PKD1L1: variants seen among roughly 807,000 people sequenced by gnomAD.
PKD1L1 encodes polycystin 1 like 1, transient receptor potential channel interacting.
PKD1L1 carries 236 observed loss-of-function variants against 323.4 expected under a neutral mutation model. The observed-to-expected ratio is 0.73, with a 90% CI of 0.66 to 0.81. PKD1L1 has a LOEUF of 0.81. PKD1L1 is among the 40% of genes least tolerant of loss of function. The pLI is 0.00. For missense variants in PKD1L1, 3,320 were observed against 3,508.0 expected, an observed-to-expected ratio of 0.95 and a Z score of 1.35; for synonymous variants, 1,344 against 1,335.0, an observed-to-expected ratio of 1.01 and a Z score of -0.15.
chr7:47,832,282 C>T (rs1481599823), intron 41 of PKD1L1, among the ~76,000 whole-genome samples: 1 of 152,222 alleles, frequency 6.6e-6, no homozygotes, highest in Non-Finnish European at 1.5e-5. Flanking sequence ...GTGCTCCCTT[C>T]CAGCCCAGGC....
At chr7:47,959,015 G>A in the PKD1L1 span, among the ~76,000 whole-genome samples, 1 of 152,256 alleles carries the variant, frequency 6.6e-6, no homozygotes, top group Non-Finnish European at 1.5e-5. Context: ...GTGGAGACGG[G>A]GTTTCGCTGT....
chr7:47,830,140 G>C lies in PKD1L1; in HGVS notation c.6474-16C>G. On this transcript the variant is annotated splice_polypyrimidine_tract_variant and intron_variant, in intron 42 of 56. Transcript: ENST00000289672. ...CTGGCCAAACCTGCCCCCAGGGAAA[G>C]TGCAGTGGTCAGCCCCCTCTAAGGG... The C allele has an allele frequency of 6.2e-7, 1 of 1,611,918 alleles. No homozygotes were observed. Among genetic ancestry groups the C allele is most frequent in the Non-Finnish European group, 8.5e-7 (1 of 1,178,534 alleles).
chr7:47,875,573 T>C (rs1477187621), intron 23 of PKD1L1, among the ~76,000 whole-genome samples: 2 of 152,214 alleles, frequency 1.3e-5, no homozygotes, highest in African/African-American at 2.4e-5. Flanking sequence ...TTATGCTCAG[T>C]TGAAGCCAGT....
At chr7:47,846,246 G>A (rs894491632) in intron 32 of PKD1L1, among the ~76,000 whole-genome samples, 1 of 152,104 alleles carries the variant, frequency 6.6e-6, no homozygotes, top group Non-Finnish European at 1.5e-5. Context: ...AAAGGTAAGG[G>A]CAACAAAAAA....
chr7:47,883,979 T>C (rs1032494377), intron 19 of PKD1L1, among the ~76,000 whole-genome samples: 8 of 152,190 alleles, frequency 5.3e-5, no homozygotes, highest in African/African-American at 9.6e-5. Flanking sequence ...CATTCTACAA[T>C]GTGTTTACTG....
At chr7:47,842,344 C>A (rs1179288637) in intron 34 of PKD1L1, among the ~76,000 whole-genome samples, 1 of 152,168 alleles carries the variant, frequency 6.6e-6, no homozygotes, top group Non-Finnish European at 1.5e-5. Context: ...CTCATCCACA[C>A]CCCAATCCTA....
At chr7:47,781,387 GTT>G (rs200570381) in intron 56 of PKD1L1, among the ~76,000 whole-genome samples, 3 of 121,702 alleles carry the variant, frequency 2.5e-5, no homozygotes, top group Non-Finnish European at 3.5e-5. Flanking sequence ...AGAACAAAAG[GTT>G]TTTTTTTTTG....
chr7:47,884,640 T>C lies in PKD1L1; in HGVS notation c.3223A>G (p.Ser1075Gly). The part of the protein sequence containing the change: ...PHLSDFEAYY[S>G]DIQEAIPSGG... ...GATGGTATTGCTTCTTGAATGTCACTGTAATAGGCTTCAAAATCTATAAGA... is the reference window on the plus strand; with the variant it reads ...GATGGTATTGCTTCTTGAATGTCACCGTAATAGGCTTCAAAATCTATAAGA... The change falls in exon 19 of 57, where the codon AGT becomes GGT. Residue 1075 changes from serine (S) to glycine (G), a missense_variant. Ser to Gly is a moderately conservative substitution (Grantham distance 56). Transcript: ENST00000289672. 6.2e-7 allele frequency: 1 copy of C among 1,613,824 alleles called. No homozygotes were observed. The highest frequency in any genetic ancestry group is 8.5e-7 in the Non-Finnish European group (1 of 1,179,698).
At chr7:47,945,806 TCCCAGA>T (rs928845812) in intron 1 of PKD1L1, among the ~76,000 whole-genome samples, 5 of 151,922 alleles carry the variant, frequency 3.3e-5, no homozygotes, top group Admixed American at 2.0e-4. Flanking sequence ...TCCGAGACCC[TCCCAGA>T]CACCCCCACA....
At chr7:47,934,622 T>A (rs773786935) in intron 4 of PKD1L1, among the ~76,000 whole-genome samples, 39 of 152,174 alleles carry the variant, frequency 2.6e-4, no homozygotes, top group Non-Finnish European at 1.0e-4. Context: ...AGCTGAGTCC[T>A]GGGGAAAAAG....
chr7:47,800,570 C>T (rs1784637879), intron 54 of PKD1L1, 79 bp downstream of exon 54: 1 of 1,432,384 alleles, frequency 7.0e-7, no homozygotes. Flanking sequence ...GCCCTGTCCA[C>T]ATGGACCAGA....
intron 7 of PKD1L1, among the ~76,000 whole-genome samples, chr7:47,926,776 C>T (rs916084634): frequency 1.3e-5 from 2 of 152,148 alleles, no homozygotes; most frequent in African/African-American, 4.8e-5. Flanking sequence ...AGGCAGCACA[C>T]CCCATCATTG....
chr7:47,933,953 T>C (rs1249987111), intron 4 of PKD1L1, among the ~76,000 whole-genome samples: 1 of 152,230 alleles, frequency 6.6e-6, no homozygotes, highest in Non-Finnish European at 1.5e-5. Context: ...CTTGTAAGAC[T>C]GATGAATCCT....
chr7:47,915,325 T>G (rs1236535838), intron 8 of PKD1L1, 107 bp downstream of exon 8: 1 of 684,958 alleles, frequency 1.5e-6, no homozygotes, highest in South Asian at 1.6e-5. Context: ...ATAGAGTGTA[T>G]AGCCAATCAC....
intron 56 of PKD1L1, among the ~76,000 whole-genome samples, chr7:47,784,455 T>C (rs1786762967): frequency 6.6e-6 from 1 of 152,184 alleles, no homozygotes. Flanking sequence ...TTGTCATCTC[T>C]TTACTTGAGT....
In PKD1L1 at chr7:47,840,348, T is replaced by C. The variant is rs1210525600; in HGVS notation, c.5552+113A>G. 6.0e-6 allele frequency: 4 copies of C among 669,182 alleles called. No individual in the cohort carries two copies. Among genetic ancestry groups the C allele is most frequent in the East Asian group, 2.7e-5 (1 of 36,916 alleles). The allele number at this position is 669,182 out of a possible 1,614,324, so 41.5% of individuals were successfully genotyped here. ...AAATTGTTTGTATATAAATCGATGC[T>C]CACTATTAGAGACCAATGTTATGTA... On this transcript the variant is annotated intron_variant, in intron 35 of 56. Transcript: ENST00000289672. This position sits in a 1 kb window ranked among gnomAD's most constrained non-coding sequence, Gnocchi z 4.1.
intron 24 of PKD1L1, among the ~76,000 whole-genome samples, chr7:47,870,872 C>T (rs533682725): frequency 6.1e-5 from 9 of 147,198 alleles, no homozygotes; most frequent in Non-Finnish European, 1.2e-4. Context: ...ACTTGGGAGG[C>T]GGAGGTGGAA....
rs143159052 is a variant in PKD1L1, at chr7:47,788,561, T to TTATATA, written c.8526+4060_8526+4065dup. Among the ~76,000 whole-genome samples the TTATATA allele has an allele frequency of 6.3e-3, 844 of 133,150 alleles. 9 individuals are homozygous for TTATATA. Among genetic ancestry groups the TTATATA allele is most frequent in the Admixed American group, 0.029 (373 of 12,892 alleles). The allele number at this position is 133,150 out of a possible 152,430, so 87.4% of individuals were successfully genotyped here. A position where few individuals can be genotyped will look rare whatever the true frequency, so the allele number is the denominator to read the frequency against. On this transcript the variant is annotated intron_variant, in intron 56 of 56. Coordinates refer to ENST00000289672, the MANE Select transcript of PKD1L1 (RefSeq NM_138295.5). ...GTGTGAGCCACCACACCCAGCCCAG[T>TTATATA]TATATATATATATATATTTTTTTTT... is the stretch of plus-strand genomic sequence containing the variant.
chr7:47,796,587 C>T (rs892360653), intron 54 of PKD1L1, among the ~76,000 whole-genome samples: 1 of 152,162 alleles, frequency 6.6e-6, no homozygotes, highest in African/African-American at 2.4e-5. Flanking sequence ...AACATGTGCT[C>T]TATAAGCCTC....
Sources: gnomAD v4.1 joint callset for allele counts (sites outside exome capture counted in the v4.1 genomes callset) on GRCh38, gnomAD v4.1.1 for gene constraint, Gnocchi (gnomAD v3.1) non-coding constraint, MANE v1.5 for transcripts, NCBI Gene and HGNC (gene_info 2026-07-23, HGNC 2026-07-21) for gene names.